CCDC181: variants seen among roughly 807,000 people sequenced by gnomAD.
CCDC181 encodes coiled-coil domain containing 181.
A neutral mutation model predicts 58.7 loss-of-function variants in CCDC181; 35 were observed. That is an observed-to-expected ratio of 0.60 (90% CI 0.46 to 0.79). The LOEUF (loss-of-function observed/expected upper bound fraction) is 0.79. Ranked by LOEUF, CCDC181 falls within the 30% of genes least tolerant of loss-of-function variation. The probability of loss-of-function intolerance (pLI) is 0.00; values close to 1 mark genes in which losing one functional copy is unlikely to be tolerated. For missense variants in CCDC181, 517 were observed against 583.9 expected, an observed-to-expected ratio of 0.89 and a Z score of 1.18; for synonymous variants, 183 against 197.5, an observed-to-expected ratio of 0.93 and a Z score of 0.62.
chr1:169,457,274 G>A (rs1657700145), intron 2 of CCDC181, among the ~76,000 whole-genome samples: 1 of 152,036 alleles, frequency 6.6e-6, no homozygotes, highest in African/African-American at 2.4e-5. Flanking sequence ...GTGGATTCAT[G>A]TTTTTCGTCA....
upstream of CCDC181, among the ~76,000 whole-genome samples, chr1:169,430,519 G>C (rs1656887610): frequency 6.6e-6 from 1 of 152,018 alleles, no homozygotes; most frequent in African/African-American, 2.4e-5. Flanking sequence ...CCTTGGTTAG[G>C]TATATTCCTA....
At chr1:169,438,805 G>A (rs1476591898) in intron 2 of CCDC181, among the ~76,000 whole-genome samples, 1 of 152,186 alleles carries the variant, frequency 6.6e-6, no homozygotes, top group African/African-American at 2.4e-5. Flanking sequence ...ATAAGGGGGG[G>A]TTCTGAGTTA....
chr1:169,406,829 A>AT (rs1193309339), intron 4 of CCDC181, among the ~76,000 whole-genome samples: 1 of 152,152 alleles, frequency 6.6e-6, no homozygotes, highest in Admixed American at 6.5e-5. Flanking sequence ...AAAATAAAAA[A>AT]AAATAAACCA....
At chr1:169,401,562 A>G (rs569385955) in intron 4 of CCDC181, among the ~76,000 whole-genome samples, 1 of 152,182 alleles carries the variant, frequency 6.6e-6, no homozygotes, top group African/African-American at 2.4e-5. Context: ...CCTCCAGCAA[A>G]CTCCAATAGA....
At chr1:169,449,112 T>C (rs1657462300) in intron 2 of CCDC181, among the ~76,000 whole-genome samples, 1 of 152,218 alleles carries the variant, frequency 6.6e-6, no homozygotes, top group African/African-American at 2.4e-5. Context: ...CATAACTTCC[T>C]GGTTTGATAA....
At chr1:169,409,779 C>A (rs1273882812) in intron 4 of CCDC181, among the ~76,000 whole-genome samples, 3 of 152,048 alleles carry the variant, frequency 2.0e-5, no homozygotes, top group Non-Finnish European at 4.4e-5. Context: ...TCATATCCAG[C>A]CAAACTAAGC....
At chr1:169,439,356 G>A (rs1657145610) in intron 2 of CCDC181, among the ~76,000 whole-genome samples, 1 of 152,186 alleles carries the variant, frequency 6.6e-6, no homozygotes, top group Non-Finnish European at 1.5e-5. Context: ...CTGTGATAGG[G>A]CTACTGTTAT....
intron 2 of CCDC181, among the ~76,000 whole-genome samples, chr1:169,422,759 A>C (rs1054059363): frequency 2.0e-5 from 3 of 151,942 alleles, no homozygotes; most frequent in Non-Finnish European, 4.4e-5. Flanking sequence ...GTCAGGTCCT[A>C]ATCACTTGAG....
intron 4 of CCDC181, among the ~76,000 whole-genome samples, chr1:169,410,457 C>A (rs1176165248): frequency 6.6e-6 from 1 of 152,070 alleles, no homozygotes; most frequent in Non-Finnish European, 1.5e-5. Context: ...ACTTTAACAC[C>A]CTGCTGTCAA....
intron 4 of CCDC181, chr1:169,418,805 C>A: frequency 3.9e-6 from 2 of 519,284 alleles, no homozygotes; most frequent in South Asian, 3.1e-5. Context: ...CCATCAAAGT[C>A]TGAACAAAAT....
upstream of CCDC181, among the ~76,000 whole-genome samples, chr1:169,431,475 T>C (rs919191665): frequency 5.2e-4 from 79 of 152,162 alleles, 2 homozygotes; most frequent in Non-Finnish European, 1.5e-5. Context: ...TGCTGGAGGA[T>C]TCTAAAAAGA....
chr1:169,444,243 A>G (rs1314981507), intron 2 of CCDC181, among the ~76,000 whole-genome samples: 15 of 152,174 alleles, frequency 9.9e-5, no homozygotes, highest in Non-Finnish European at 1.5e-5. Flanking sequence ...TTTGACACCT[A>G]TGATGGTGTA....
At position 169,455,251 on chromosome 1, in the gene CCDC181, A is replaced by G. The variant is rs1048096256; in HGVS notation, c.-24+4546T>C. On this transcript the variant is annotated intron_variant, in intron 2 of 6. Transcript: ENST00000545005. ...TTCTTTCATAATTGAGATTTTATTC[A>G]ATCAGTACATAGCCATTATGGATAA... Among the ~76,000 whole-genome samples, 7 of 152,098 alleles carry G rather than the reference A, an allele frequency of 4.6e-5. No homozygotes were observed. In the East Asian group the frequency reaches 1.3e-3, roughly 29 times the overall value.
chr1:169,400,674 TA>T (rs1557858478), intron 4 of CCDC181, among the ~76,000 whole-genome samples: 1 of 152,162 alleles, frequency 6.6e-6, no homozygotes, highest in African/African-American at 2.4e-5. Context: ...AATGGAAATT[TA>T]AAAAAATAAA....
At chr1:169,422,346 G>T (rs746207575) in intron 2 of CCDC181, 33 bp from the exon 3 acceptor site, 4 of 1,434,768 alleles carry the variant, frequency 2.8e-6, no homozygotes, top group Non-Finnish European at 3.8e-6. Context: ...TCAAAATTGA[G>T]ATTCTTCATT....
rs527976101 is a variant in CCDC181, at chr1:169,444,669, C to T, written c.-24+15128G>A. On this transcript the variant is annotated intron_variant, in intron 2 of 6. Transcript: ENST00000545005. ...CCAAATATTTTATCTTCACCTTTGC[C>T]TCTTGAATACCGCATGTCTTGTAGT... Among the ~76,000 whole-genome samples the T allele has an allele frequency of 1.8e-4, 28 of 152,122 alleles. No individual in the cohort carries two copies. The South Asian group carries it at 5.0e-3, about 27-fold the overall frequency.
At chr1:169,409,735 T>C (rs1655859022) in intron 4 of CCDC181, among the ~76,000 whole-genome samples, 1 of 152,256 alleles carries the variant, frequency 6.6e-6, no homozygotes, top group East Asian at 1.9e-4. Flanking sequence ...GGGCCCAATA[T>C]TCAACATTCT....
chr1:169,440,009 G>C (rs1657168174), intron 2 of CCDC181, among the ~76,000 whole-genome samples: 1 of 152,044 alleles, frequency 6.6e-6, no homozygotes, highest in South Asian at 2.1e-4. Context: ...GTACAGGATA[G>C]GGGCATGGTG....
chr1:169,418,423 T>A (rs1236677761), intron 4 of CCDC181, among the ~76,000 whole-genome samples: 1 of 151,994 alleles, frequency 6.6e-6, no homozygotes, highest in East Asian at 1.9e-4. Context: ...TAAAAGGATT[T>A]GCACCACGCT....
Sources: gnomAD v4.1 joint callset for allele counts (sites outside exome capture counted in the v4.1 genomes callset) on GRCh38, gnomAD v4.1.1 for gene constraint, MANE v1.5 for transcripts, NCBI Gene and HGNC (gene_info 2026-07-23, HGNC 2026-07-21) for gene names.